ARHGAP44: variants seen among roughly 807,000 people sequenced by gnomAD.
ARHGAP44 encodes the protein Rho GTPase activating protein 44.
Under a neutral mutation model 106.8 loss-of-function variants are expected in ARHGAP44, and 43 were observed. That is an observed-to-expected ratio of 0.40 (90% CI 0.32 to 0.52). The LOEUF (loss-of-function observed/expected upper bound fraction) is 0.52, where lower values mean the gene tolerates loss of function less well. Among genes scored for constraint, ARHGAP44 ranks in the 20% least tolerant of loss-of-function variants. The pLI, the probability that ARHGAP44 is intolerant of heterozygous loss-of-function variation, is 0.48. For missense variants in ARHGAP44, 866 were observed against 1,050.5 expected, an observed-to-expected ratio of 0.82 and a Z score of 2.43; for synonymous variants, 439 against 410.3, an observed-to-expected ratio of 1.07 and a Z score of -0.85.
At chr17:12,790,950 A>ACACCTCG (rs1310996799) in intron 1 of ARHGAP44, among the ~76,000 whole-genome samples, 2 of 152,114 alleles carry the variant, frequency 1.3e-5, no homozygotes, top group African/African-American at 4.8e-5. Context: ...TGCAAGCTCA[A>ACACCTCG]CACCTCGAGG....
At position 12,934,323 on chromosome 17, in the gene ARHGAP44, G is replaced by A. The variant is rs558460238; in HGVS notation, c.582+5277G>A. Among the ~76,000 whole-genome samples, 38 of 152,286 alleles carry A rather than the reference G, an allele frequency of 2.5e-4. No homozygotes were observed. The South Asian group carries it at 7.7e-3, about 31-fold the overall frequency. On this transcript the variant is annotated intron_variant, in intron 7 of 20. Coordinates refer to ENST00000379672, the MANE Select transcript of ARHGAP44 (RefSeq NM_014859.6). ...GAAAGACAACAACAGCAGGACAGAT[G>A]TCTAGCTCATTTTGTCCTCCCCACA...
intron 10 of ARHGAP44, among the ~76,000 whole-genome samples, chr17:12,948,491 G>A (rs930761285): frequency 4.6e-5 from 7 of 152,022 alleles, no homozygotes; most frequent in South Asian, 2.1e-4. Flanking sequence ...CCAACATGGC[G>A]AAACCCCATC....
Position 12,956,713 on chromosome 17 carries a change from A to G in ARHGAP44, c.1309A>G (p.Ile437Val), listed in dbSNP as rs767616267. The G allele has an allele frequency of 1.9e-6, 3 of 1,614,164 alleles. No individual in the cohort carries two copies. Among genetic ancestry groups the G allele is most frequent in the East Asian group, 4.5e-5 (2 of 44,880 alleles). Reference protein sequence around the residue: ...SLQIVGIIEPIIQHADWFFPG... With the variant: ...SLQIVGIIEPVIQHADWFFPG... ...GCAAATTGTTGGGATCATTGAACCT[A>G]TCATCCAGCATGCAGACTGGTTCTT... The change falls in exon 15 of 21, where the codon ATC becomes GTC. Residue 437 changes from isoleucine (I) to valine (V), a missense_variant. Physicochemically the swap from Ile to Val is conservative, Grantham distance 29. Coordinates refer to ENST00000379672, the MANE Select transcript of ARHGAP44 (RefSeq NM_014859.6).
chr17:12,963,689 C>T (rs113074802), intron 16 of ARHGAP44, among the ~76,000 whole-genome samples: 6 of 152,104 alleles, frequency 3.9e-5, no homozygotes, highest in East Asian at 1.9e-4. Flanking sequence ...GCAGACAGGC[C>T]GGCCATGCAC....
intron 20 of ARHGAP44, chr17:12,988,467 A>G (rs1039332078): frequency 6.6e-6 from 1 of 152,178 alleles, no homozygotes; most frequent in African/African-American, 2.4e-5. Flanking sequence ...GTAGCTGGGG[A>G]AGGGCAGAGG....
chr17:12,815,218 G>C (rs2034564222), intron 1 of ARHGAP44, among the ~76,000 whole-genome samples: 1 of 152,104 alleles, frequency 6.6e-6, no homozygotes, highest in Non-Finnish European at 1.5e-5. Flanking sequence ...AGAGGGAGGA[G>C]AAGCAGGGTT....
intron 6 of ARHGAP44, among the ~76,000 whole-genome samples, chr17:12,928,032 T>C (rs556736774): frequency 6.6e-6 from 1 of 152,286 alleles, no homozygotes; most frequent in African/African-American, 2.4e-5. Flanking sequence ...TATAGCATAA[T>C]TGGAACCATC....
intron 1 of ARHGAP44, among the ~76,000 whole-genome samples, chr17:12,834,668 A>G (rs937041864): frequency 2.6e-5 from 4 of 152,232 alleles, no homozygotes; most frequent in Non-Finnish European, 5.9e-5. Context: ...CATAAACCAA[A>G]AACATACACA....
chr17:12,830,107 G>A (rs916362451), intron 1 of ARHGAP44, among the ~76,000 whole-genome samples: 7 of 152,176 alleles, frequency 4.6e-5, no homozygotes, highest in Admixed American at 3.3e-4. Context: ...AAGTCCTGGG[G>A]TTTTGGGATT....
Position 12,926,445 on chromosome 17 carries a change from A to G in ARHGAP44, c.465-2484A>G, listed in dbSNP as rs1448605851. 8.2e-5 allele frequency among the ~76,000 whole-genome samples: 10 copies of G among 122,440 alleles called. No individual in the cohort carries two copies. The East Asian group carries it at 1.3e-3, about 16-fold the overall frequency. The allele number at this position is 122,440 out of a possible 152,430, so 80.3% of individuals were successfully genotyped here. A position where few individuals can be genotyped will look rare whatever the true frequency, so the allele number is the denominator to read the frequency against. On this transcript the variant is annotated intron_variant, in intron 6 of 20. Transcript: ENST00000379672. ...ATGTATATATAATATATATGTATAT[A>G]CATAATATATATACATATATAATAT...
chr17:12,851,193 G>A (rs899187547), intron 1 of ARHGAP44, among the ~76,000 whole-genome samples: 2 of 152,206 alleles, frequency 1.3e-5, no homozygotes, highest in African/African-American at 4.8e-5. Flanking sequence ...GTAAAGGCTG[G>A]CACCTCCGCT....
At chr17:12,801,953 G>A (rs1036150359) in intron 1 of ARHGAP44, among the ~76,000 whole-genome samples, 1 of 152,030 alleles carries the variant, frequency 6.6e-6, no homozygotes, top group Non-Finnish European at 1.5e-5. Context: ...TCTTAGAATG[G>A]TATTTTATTT....
At chr17:12,902,375 T>C (rs2037398914) in intron 3 of ARHGAP44, among the ~76,000 whole-genome samples, 1 of 152,220 alleles carries the variant, frequency 6.6e-6, no homozygotes, top group African/African-American at 2.4e-5. Context: ...TTCAGGAGGC[T>C]TTCTTGACCA....
chr17:12,900,374 G>A (rs1321716740), intron 3 of ARHGAP44, among the ~76,000 whole-genome samples: 1 of 151,904 alleles, frequency 6.6e-6, no homozygotes, highest in African/African-American at 2.4e-5. Flanking sequence ...TGATCTGCCC[G>A]CCTCAGCCTC....
At chr17:12,904,837 G>A (rs541815880) in intron 3 of ARHGAP44, among the ~76,000 whole-genome samples, 1 of 152,274 alleles carries the variant, frequency 6.6e-6, no homozygotes, top group South Asian at 2.1e-4. Context: ...GGAATGAAGT[G>A]GTTGAGGGAT....
chr17:12,808,471 A>T (rs1597869921), intron 1 of ARHGAP44, among the ~76,000 whole-genome samples: 1 of 152,242 alleles, frequency 6.6e-6, no homozygotes, highest in African/African-American at 2.4e-5. Context: ...TTCAAACGTC[A>T]GTTCTTGACT....
At chr17:12,805,113 G>T (rs148011306) in intron 1 of ARHGAP44, among the ~76,000 whole-genome samples, 5 of 152,190 alleles carry the variant, frequency 3.3e-5, no homozygotes, top group African/African-American at 1.2e-4. Context: ...TGGCTGTAGT[G>T]GGGGGTTGGA....
chr17:12,822,564 T>A (rs1329355748), intron 1 of ARHGAP44, among the ~76,000 whole-genome samples: 2 of 152,140 alleles, frequency 1.3e-5, no homozygotes, highest in African/African-American at 2.4e-5. Flanking sequence ...TGTTAATTAT[T>A]TATGGAAAGA....
intron 4 of ARHGAP44, among the ~76,000 whole-genome samples, chr17:12,913,215 T>G (rs1464084390): frequency 6.6e-6 from 1 of 152,250 alleles, no homozygotes; most frequent in East Asian, 1.9e-4. Flanking sequence ...ATGTGATGTT[T>G]ATCACTGCTT....
Sources: allele counts gnomAD v4.1 joint callset (sites outside exome capture counted in the v4.1 genomes callset), GRCh38; gene constraint gnomAD v4.1.1; transcripts MANE v1.5; gene names NCBI Gene and HGNC (gene_info 2026-07-23, HGNC 2026-07-21).